TMEM17: variants seen among roughly 807,000 people sequenced by gnomAD.
TMEM17 encodes the protein transmembrane protein 17.
A neutral mutation model predicts 19.1 loss-of-function variants in TMEM17; 15 were observed. The ratio of observed to expected loss-of-function variants is 0.78; its 90% CI spans 0.52 to 1.21. TMEM17 has a LOEUF of 1.21. Among genes scored for constraint, TMEM17 ranks in the 50% most tolerant of loss-of-function variants. The pLI, the probability that TMEM17 is intolerant of heterozygous loss-of-function variation, is 0.00. For synonymous variants in TMEM17, 103 were observed against 86.9 expected (o/e 1.19, Z -1.03); for missense variants, 245 against 242.3 (o/e 1.01, Z -0.07).
At chr2:62,468,636 A>T in the TMEM17 span, among the ~76,000 whole-genome samples, 15 of 152,310 alleles carry the variant, frequency 9.8e-5, no homozygotes, top group African/African-American at 3.6e-4. Context: ...GAGAACTTGG[A>T]GACACAGGGG....
chr2:62,488,003 C>G, the TMEM17 span, among the ~76,000 whole-genome samples: 1 of 152,166 alleles, frequency 6.6e-6, no homozygotes, highest in African/African-American at 2.4e-5. Context: ...CCCAAGTTTA[C>G]TTTGAAATAG....
the TMEM17 span, among the ~76,000 whole-genome samples, chr2:62,483,865 C>A: frequency 2.2e-4 from 34 of 152,014 alleles, no homozygotes; most frequent in Non-Finnish European, 7.4e-5. Context: ...CCTCCCAAAG[C>A]ACTGGGATTA....
the TMEM17 span, among the ~76,000 whole-genome samples, chr2:62,471,375 A>G: frequency 6.6e-6 from 1 of 152,138 alleles, no homozygotes; most frequent in African/African-American, 2.4e-5. Flanking sequence ...GATAATATTA[A>G]CAATAGCCAA....
chr2:62,462,045 C>G, the TMEM17 span, among the ~76,000 whole-genome samples: 1 of 152,218 alleles, frequency 6.6e-6, no homozygotes, highest in Non-Finnish European at 1.5e-5. Flanking sequence ...CTGCAGCTGG[C>G]CCCTGGAGGC....
downstream of TMEM17, among the ~76,000 whole-genome samples, chr2:62,498,641 G>A (rs1221858685): frequency 1.4e-5 from 2 of 142,590 alleles, no homozygotes; most frequent in East Asian, 2.1e-4. Context: ...GCGTGAACCC[G>A]GGAGGCGGAG....
At chr2:62,468,275 G>A in the TMEM17 span, among the ~76,000 whole-genome samples, 24 of 152,264 alleles carry the variant, frequency 1.6e-4, no homozygotes, top group East Asian at 4.2e-3. Flanking sequence ...AGAGAAGGCC[G>A]TGTGTTCTCT....
chr2:62,469,764 G>A, the TMEM17 span, among the ~76,000 whole-genome samples: 233 of 152,326 alleles, frequency 1.5e-3, no homozygotes, highest in African/African-American at 5.3e-3. Flanking sequence ...AGGCCCAGGT[G>A]GCTTTTCTGT....
chr2:62,465,206 T>A, the TMEM17 span, among the ~76,000 whole-genome samples: 1 of 152,162 alleles, frequency 6.6e-6, no homozygotes, highest in Non-Finnish European at 1.5e-5. Context: ...AAGGACAGCT[T>A]GGAAGTGAGA....
the TMEM17 span, among the ~76,000 whole-genome samples, chr2:62,486,533 T>C: frequency 1.3e-5 from 2 of 152,224 alleles, no homozygotes; most frequent in Non-Finnish European, 2.9e-5. Context: ...TGTTTGTGAA[T>C]CTGGAACCTG....
the TMEM17 span, among the ~76,000 whole-genome samples, chr2:62,478,941 T>A: frequency 6.6e-6 from 1 of 152,148 alleles, no homozygotes; most frequent in African/African-American, 2.4e-5. Context: ...TCTGGGCTTT[T>A]AAAAAATTGA....
Sources: gnomAD v4.1 joint callset for allele counts (sites outside exome capture counted in the v4.1 genomes callset) on GRCh38, gnomAD v4.1.1 for gene constraint, MANE v1.5 for transcripts, NCBI Gene and HGNC (gene_info 2026-07-23, HGNC 2026-07-21) for gene names.